Variants in DMD observed in about 807,000 individuals in gnomAD.
DMD encodes dystrophin.
Under a neutral mutation model 330.1 loss-of-function variants are expected in DMD, and 63 were observed. The ratio of observed to expected loss-of-function variants is 0.19; its 90% CI spans 0.16 to 0.24. The LOEUF (loss-of-function observed/expected upper bound fraction) is 0.24, where lower values mean the gene tolerates loss of function less well. Ranked by LOEUF, DMD falls within the 10% of genes least tolerant of loss-of-function variation. The pLI, the probability that DMD is intolerant of heterozygous loss-of-function variation, is 1.00. For missense variants in DMD, 3,344 were observed against 2,684.1 expected, an observed-to-expected ratio of 1.25 and a Z score of -5.43; for synonymous variants, 1,223 against 959.8, an observed-to-expected ratio of 1.27 and a Z score of -5.07.
chrX:32,352,254 T>G (rs996161422), intron 37 of DMD, among the ~76,000 whole-genome samples: 1 of 110,832 alleles, frequency 9.0e-6, no homozygotes, highest in Non-Finnish European at 1.9e-5. Flanking sequence ...TCTTAAAATT[T>G]TATAACCTTA....
chrX:32,865,021 T>C (rs970114429), intron 2 of DMD, among the ~76,000 whole-genome samples: 2 of 111,564 alleles, frequency 1.8e-5, no homozygotes, highest in Non-Finnish European at 3.8e-5. Context: ...TTAAATAATA[T>C]AGTATCTGGA....
intron 44 of DMD, among the ~76,000 whole-genome samples, chrX:32,090,147 T>C (rs2096465612): frequency 8.9e-6 from 1 of 112,009 alleles, no homozygotes; most frequent in Non-Finnish European, 1.9e-5. Flanking sequence ...ATAAAGTTAA[T>C]AAACAGAGAT....
chrX:33,071,611 G>A lies in DMD; in HGVS notation c.32-51411C>T, dbSNP rs186537600. Among the ~76,000 whole-genome samples the A allele has an allele frequency of 5.1e-4, 56 of 110,305 alleles. 2 individuals carry two copies. Among genetic ancestry groups the A allele is most frequent in the Admixed American group, 4.8e-3 (50 of 10,332 alleles). ...ATACAACTTACAAGAGTTCAGCTGAGCTTAAAGAATATATTCATTTGAAGC... is the reference window on the plus strand; with the variant it reads ...ATACAACTTACAAGAGTTCAGCTGAACTTAAAGAATATATTCATTTGAAGC... On this transcript the variant is annotated intron_variant, in intron 1 of 78. Coordinates refer to ENST00000357033, the MANE Select transcript of DMD (RefSeq NM_004006.3).
At chrX:32,516,423 T>C (rs1238078099) in intron 18 of DMD, among the ~76,000 whole-genome samples, 2 of 111,652 alleles carry the variant, frequency 1.8e-5, no homozygotes, top group African/African-American at 6.5e-5. Flanking sequence ...CTGTACATTT[T>C]TGAGCACTTT....
At chrX:32,333,983 G>A (rs1156703789) in intron 41 of DMD, among the ~76,000 whole-genome samples, 4 of 110,928 alleles carry the variant, frequency 3.6e-5, no homozygotes, top group East Asian at 2.8e-4. Context: ...GAATTTCCAC[G>A]CATTTGAAGT....
At position 33,009,691 on chromosome X, in the gene DMD, C is replaced by CATATGTGTGTATACGT. The variant is rs2093594173; in HGVS notation, c.93+10432_93+10447dup. Among the ~76,000 whole-genome samples, 3 of 38,919 alleles carry CATATGTGTGTATACGT rather than the reference C, an allele frequency of 7.7e-5. 1 individual carries two copies. The highest frequency in any genetic ancestry group is 2.1e-4 in the African/African-American group (3 of 14,574). The allele number at this position is 38,919 out of a possible 115,157, so 33.8% of individuals were successfully genotyped here. A position where few individuals can be genotyped will look rare whatever the true frequency, so the allele number is the denominator to read the frequency against. Reference sequence around the variant, plus strand: ...GTGTATACGTATATGTGTATATGCACATATGTGTGTATACGTATATGTGTA... The same window carrying CATATGTGTGTATACGT: ...GTGTATACGTATATGTGTATATGCACATATGTGTGTATACGTATATGTGTGTATACGTATATGTGTA... On this transcript the variant is annotated intron_variant, in intron 2 of 78. Coordinates refer to ENST00000357033, the MANE Select transcript of DMD (RefSeq NM_004006.3).
At chrX:31,178,445 T>A (rs2040782729) in intron 70 of DMD, 1 of 939,098 alleles carries the variant, frequency 1.1e-6, no homozygotes, top group Non-Finnish European at 1.3e-6. Flanking sequence ...TTTTTTTTTT[T>A]TTCCCCCTGT....
chrX:32,892,976 T>C (rs1483803486), intron 2 of DMD, among the ~76,000 whole-genome samples: 1 of 111,760 alleles, frequency 8.9e-6, no homozygotes, highest in Admixed American at 9.5e-5. Context: ...TCCTGGGAAG[T>C]TTATGTTAGA....
chrX:33,112,231 C>T (rs981350552), intron 1 of DMD, among the ~76,000 whole-genome samples: 1 of 110,550 alleles, frequency 9.0e-6, no homozygotes, highest in Admixed American at 9.7e-5. Context: ...TTGTTAATCT[C>T]TTATGGTTCC....
chrX:31,240,705 CAT>C (rs945792124), intron 63 of DMD, among the ~76,000 whole-genome samples: 3 of 111,183 alleles, frequency 2.7e-5, no homozygotes, highest in Non-Finnish European at 3.8e-5. Flanking sequence ...CAATAAATAA[CAT>C]AAATTCTCAG....
intron 60 of DMD, among the ~76,000 whole-genome samples, chrX:31,350,160 C>T (rs1226940314): frequency 2.7e-5 from 3 of 111,343 alleles, no homozygotes; most frequent in African/African-American, 9.8e-5. Flanking sequence ...CAAACTCTAC[C>T]TGCTAAGCCC....
chrX:33,143,726 C>T (rs1300618432), intron 1 of DMD, among the ~76,000 whole-genome samples: 1 of 111,725 alleles, frequency 9.0e-6, no homozygotes, highest in Admixed American at 9.6e-5. Context: ...GATCTATTTA[C>T]AGCCTCTTTG....
intron 19 of DMD, among the ~76,000 whole-genome samples, chrX:32,499,392 C>G (rs748576316): frequency 1.8e-5 from 2 of 110,839 alleles, no homozygotes; most frequent in African/African-American, 6.5e-5. Flanking sequence ...TAAATATATA[C>G]GCACATATTT....
chrX:32,156,995 T>C (rs751974826), intron 44 of DMD, among the ~76,000 whole-genome samples: 1 of 112,180 alleles, frequency 8.9e-6, no homozygotes, highest in South Asian at 3.7e-4. Context: ...TCGGGACAGC[T>C]GAGGAACACA....
chrX:32,986,108 T>C (rs891448225), intron 2 of DMD, among the ~76,000 whole-genome samples: 1 of 111,958 alleles, frequency 8.9e-6, no homozygotes, highest in Non-Finnish European at 1.9e-5. Context: ...GCTATTTTAA[T>C]GAGAAAAGTG....
intron 55 of DMD, among the ~76,000 whole-genome samples, chrX:31,578,040 C>T (rs1313642770): frequency 9.0e-6 from 1 of 111,216 alleles, no homozygotes; most frequent in Non-Finnish European, 1.9e-5. Context: ...ACTATACAAA[C>T]TTCCATTAAC....
At chrX:32,265,644 A>G (rs1239515495) in intron 43 of DMD, among the ~76,000 whole-genome samples, 2 of 112,531 alleles carry the variant, frequency 1.8e-5, no homozygotes, top group Non-Finnish European at 3.8e-5. Context: ...GGAGCTACCC[A>G]AGGCTGTGGG....
chrX:32,978,273 A>G (rs981811465), intron 2 of DMD, among the ~76,000 whole-genome samples: 11 of 111,614 alleles, frequency 9.9e-5, no homozygotes, highest in Non-Finnish European at 9.4e-5. Flanking sequence ...GCAGCCAGGG[A>G]TATATACCTC....
chrX:32,223,988 C>T (rs1209079068), intron 43 of DMD, among the ~76,000 whole-genome samples: 3 of 111,765 alleles, frequency 2.7e-5, no homozygotes, highest in African/African-American at 6.5e-5. Context: ...ATATTGCCAG[C>T]AGGCCACAAG....
Sources: gnomAD v4.1 joint callset for allele counts (sites outside exome capture counted in the v4.1 genomes callset) on GRCh38, gnomAD v4.1.1 for gene constraint, MANE v1.5 for transcripts, NCBI Gene and HGNC (gene_info 2026-07-23, HGNC 2026-07-21) for gene names.